TBC1D32: variants seen among roughly 807,000 people sequenced by gnomAD.
The protein encoded by TBC1D32 is TBC1 domain family member 32, also known as protein broad-minded.
In TBC1D32, 151 loss-of-function variants were observed where a neutral mutation model predicts 170.3. That is an observed-to-expected ratio of 0.89 (90% CI 0.78 to 1.01). The LOEUF is 1.01. TBC1D32 is among the 50% of genes least tolerant of loss of function. TBC1D32 has a pLI of 0.00. For synonymous variants in TBC1D32, 498 were observed against 488.0 expected (o/e 1.02, Z -0.27); for missense variants, 1,464 against 1,457.1 (o/e 1.00, Z -0.08).
chr6:121,102,307 C>T (rs1024953205), intron 30 of TBC1D32, among the ~76,000 whole-genome samples: 36 of 152,216 alleles, frequency 2.4e-4, no homozygotes, highest in African/African-American at 8.7e-4. Flanking sequence ...AAGAACAAAG[C>T]TGGAGGCATC....
At chr6:121,103,328 C>G (rs1363088727) in intron 30 of TBC1D32, among the ~76,000 whole-genome samples, 2 of 151,890 alleles carry the variant, frequency 1.3e-5, no homozygotes, top group Non-Finnish European at 2.9e-5. Flanking sequence ...AGACTTGGAA[C>G]CAACCCAAAT....
rs1554265795 is a variant in TBC1D32, at chr6:121,198,245, AT to A, written c.2570+6829del. ...GTGTATAATATATATAAATATATAT[AT>A]TATATATATATATAATATATATATA... On this transcript the variant is annotated intron_variant, in intron 22 of 31. Coordinates refer to ENST00000398212, the MANE Select transcript of TBC1D32 (RefSeq NM_152730.6). Among the ~76,000 whole-genome samples, 8 of 110,180 alleles carry A rather than the reference AT, an allele frequency of 7.3e-5. No homozygotes were observed. The South Asian group carries it at 2.4e-3, about 33-fold the overall frequency. The allele number at this position is 110,180 out of a possible 152,430, so 72.3% of individuals were successfully genotyped here.
At chr6:121,130,111 G>A (rs1205380403) in intron 25 of TBC1D32, among the ~76,000 whole-genome samples, 9 of 152,070 alleles carry the variant, frequency 5.9e-5, no homozygotes, top group Admixed American at 5.9e-4. Flanking sequence ...CTCATTGCTA[G>A]AGACGAGATT....
chr6:121,125,883 C>T (rs916200306), intron 26 of TBC1D32, among the ~76,000 whole-genome samples: 10 of 152,126 alleles, frequency 6.6e-5, no homozygotes, highest in Non-Finnish European at 1.3e-4. Flanking sequence ...GCTAGCATGC[C>T]CATCACACCG....
rs186441614 is a variant in TBC1D32 at position 121,081,861 on chromosome 6, T to G, written c.3655-971A>C. On this transcript the variant is annotated intron_variant, in intron 31 of 31. Transcript: ENST00000398212. ...GCTTGCATATAACTTGGGGTAACTTTATTCTTATTTTGCCATCATTACCAA... is the reference window on the plus strand; with the variant it reads ...GCTTGCATATAACTTGGGGTAACTTGATTCTTATTTTGCCATCATTACCAA... Among the ~76,000 whole-genome samples, 6 of 152,194 alleles carry G rather than the reference T, an allele frequency of 3.9e-5. No individual in the cohort carries two copies. In the East Asian group the frequency reaches 1.2e-3, roughly 29 times the overall value.
intron 22 of TBC1D32, among the ~76,000 whole-genome samples, chr6:121,184,787 T>TTTTGTGATCTTA (rs1788959179): frequency 6.6e-6 from 1 of 151,848 alleles, no homozygotes; most frequent in Admixed American, 6.6e-5. Context: ...ACTATTCTTA[T>TTTTGTGATCTTA]TTTGTGATCC....
At position 121,115,088 on chromosome 6, in the gene TBC1D32, T is replaced by C. The variant is rs1779559917; in HGVS notation, c.3053+84A>G. ...TTAAAGTATACAAAATAGTTGGTTG[T>C]TAAATTAAATACTACTGAGCACATA... is the stretch of plus-strand genomic sequence containing the variant. On this transcript the variant is annotated intron_variant, in intron 27 of 31. Transcript: ENST00000398212. 7 of 1,007,762 alleles carry C rather than the reference T, an allele frequency of 6.9e-6. No individual in the cohort carries two copies. In the South Asian group the frequency reaches 1.4e-4, roughly 20 times the overall value. The allele number at this position is 1,007,762 out of a possible 1,614,324, so 62.4% of individuals were successfully genotyped here.
In TBC1D32 at chr6:121,080,847, T is replaced by G. The variant is rs1286930246; in HGVS notation, c.3698A>C (p.Tyr1233Ser). The change falls in exon 32 of 32, where the codon TAC becomes TCC. Residue 1233 changes from tyrosine (Y) to serine (S), a missense_variant. Around this residue, in one of 3 missense-constraint regions of TBC1D32, gnomAD observed 97 missense variants for 102.0 expected, o/e 0.95. Transcript: ENST00000398212. ...GTAGTTTTGTTCCAAAATTTCCATG[T>G]ATTCAAAATAATCACTCACTCGAAA... ...HGFRVSDYFE[Y>S]MEILEQNYRT... is the part of the protein sequence containing the mutation. 6.2e-7 allele frequency: 1 copy of G among 1,614,042 alleles called. No individual in the cohort carries two copies. The highest frequency in any genetic ancestry group is 1.1e-5 in the South Asian group (1 of 91,084).
At chr6:121,328,020 T>A (rs549278994) in intron 1 of TBC1D32, among the ~76,000 whole-genome samples, 1 of 152,334 alleles carries the variant, frequency 6.6e-6, no homozygotes, top group African/African-American at 2.4e-5. Flanking sequence ...TAGAATATCC[T>A]TACAAGGTTT....
intron 22 of TBC1D32, among the ~76,000 whole-genome samples, chr6:121,175,680 A>C (rs785401): frequency 0.12 from 17,738 of 152,166 alleles, 1,486 homozygotes; most frequent in Admixed American, 0.23. Context: ...TTCTGAGTAA[A>C]TTAAAGAAAG....
chr6:121,087,234 T>A (rs1776350163), intron 31 of TBC1D32, among the ~76,000 whole-genome samples: 1 of 152,236 alleles, frequency 6.6e-6, no homozygotes, highest in Non-Finnish European at 1.5e-5. Flanking sequence ...AGTGGTCTAA[T>A]CTGAAGAGGA....
intron 26 of TBC1D32, among the ~76,000 whole-genome samples, chr6:121,116,821 A>G (rs989917254): frequency 2.6e-5 from 4 of 152,348 alleles, no homozygotes; most frequent in South Asian, 4.1e-4. Context: ...GAGGCCTGAG[A>G]TGAGTCCTTT....
chr6:121,131,816 G>C (rs1781473169), intron 24 of TBC1D32, 64 bp from the exon 25 acceptor site: 1 of 1,324,254 alleles, frequency 7.6e-7, no homozygotes, highest in Admixed American at 2.1e-5. Flanking sequence ...AATTATTAAT[G>C]TTAACTATGT....
At chr6:121,279,435 A>AG (rs1438465630) in intron 14 of TBC1D32, among the ~76,000 whole-genome samples, 190 bp from the exon 15 acceptor site, 1 of 152,056 alleles carries the variant, frequency 6.6e-6, no homozygotes, top group Admixed American at 6.6e-5. Context: ...TTCTTTTACC[A>AG]GCCCAACTGA....
intron 20 of TBC1D32, among the ~76,000 whole-genome samples, chr6:121,237,868 A>G (rs1392160317): frequency 6.6e-6 from 1 of 151,994 alleles, no homozygotes; most frequent in Non-Finnish European, 1.5e-5. Context: ...TCACATTTCC[A>G]TTTTCCTTCA....
At chr6:121,083,820 A>G (rs895195301) in intron 31 of TBC1D32, among the ~76,000 whole-genome samples, 1 of 152,140 alleles carries the variant, frequency 6.6e-6, no homozygotes, top group Admixed American at 6.5e-5. Flanking sequence ...AATGTAGACA[A>G]TAATATCATA....
chr6:121,172,826 C>A (rs542767761), intron 22 of TBC1D32, among the ~76,000 whole-genome samples: 2 of 152,142 alleles, frequency 1.3e-5, no homozygotes, highest in South Asian at 4.2e-4. Flanking sequence ...GTGTTGTTAA[C>A]TTTATATAGC....
intron 1 of TBC1D32, among the ~76,000 whole-genome samples, chr6:121,330,788 G>A (rs1037113704): frequency 6.6e-6 from 1 of 152,102 alleles, no homozygotes. Flanking sequence ...TGCAGCAAAG[G>A]TTGAAAAGCA....
rs190819105 is a variant in TBC1D32, at chr6:121,154,344, A to G, written c.2773+5666T>C. Among the ~76,000 whole-genome samples, 8 of 152,278 alleles carry G rather than the reference A, an allele frequency of 5.3e-5. No homozygotes were observed. The Middle Eastern group carries it at 0.01, about 194-fold the overall frequency. On this transcript the variant is annotated intron_variant, in intron 24 of 31. Coordinates refer to ENST00000398212, the MANE Select transcript of TBC1D32 (RefSeq NM_152730.6). ...ACCCACTGTCTAACCAGTCCCAGTGAGATGAACCAGGTACCTCAGTTGGAA... is the reference window on the plus strand; with the variant it reads ...ACCCACTGTCTAACCAGTCCCAGTGGGATGAACCAGGTACCTCAGTTGGAA...
Sources: gnomAD v4.1 joint callset for allele counts (sites outside exome capture counted in the v4.1 genomes callset) on GRCh38, gnomAD v4.1.1 for gene constraint, gnomAD v4.1.1 regional missense constraint, MANE v1.5 for transcripts, NCBI Gene and HGNC (gene_info 2026-07-23, HGNC 2026-07-21) for gene names.